The following PLCB3 variants were observed in gnomAD, a reference collection of about 807,000 sequenced individuals.
The protein encoded by PLCB3 is phospholipase C beta 3.
In PLCB3, 54 loss-of-function variants were observed where a neutral mutation model predicts 152.1. The observed-to-expected ratio is 0.36, with a 90% CI of 0.29 to 0.45. PLCB3 has a LOEUF of 0.45. PLCB3 is among the 20% of genes least tolerant of loss of function. PLCB3 has a pLI of 1.00. For synonymous variants in PLCB3, 717 were observed against 698.7 expected (o/e 1.03, Z -0.41); for missense variants, 1,248 against 1,687.5 (o/e 0.74, Z 4.56).
chr11:64,258,315 C>T lies in PLCB3; in HGVS notation c.1013-158C>T, dbSNP rs566324273. On this transcript the variant is annotated intron_variant, in intron 10 of 30. Transcript: ENST00000279230. This position sits in a 1 kb window ranked among gnomAD's most constrained non-coding sequence, Gnocchi z 7.2. ...GCTATAGTGAGTCTCAGGGATGACT[C>T]CCCCCAGCTCACGCTGGTGGGATGG... Among the ~76,000 whole-genome samples, 2 of 152,178 alleles carry T rather than the reference C, an allele frequency of 1.3e-5. No homozygotes were observed. The highest frequency in any genetic ancestry group is 4.1e-4 in the South Asian group (2 of 4,826).
At position 64,265,662 on chromosome 11, in the gene PLCB3, G is replaced by A. The variant is rs556400364; in HGVS notation, c.3035+160G>A. ...GGCTTTCCACACCAGGCGTCCCTGTGTCCCCCAGGGAGTGACATCTCTTTT... is the reference window on the plus strand; with the variant it reads ...GGCTTTCCACACCAGGCGTCCCTGTATCCCCCAGGGAGTGACATCTCTTTT... On this transcript the variant is annotated intron_variant, in intron 25 of 30. Transcript: ENST00000279230. Among the ~76,000 whole-genome samples the A allele has an allele frequency of 1.8e-4, 28 of 152,336 alleles. 1 individual carries two copies. In the South Asian group the frequency reaches 5.6e-3, roughly 30 times the overall value.
At chr11:64,265,126 G>T in intron 23 of PLCB3, 22 bp downstream of exon 23, 1 of 1,554,216 alleles carries the variant, frequency 6.4e-7, no homozygotes, top group Non-Finnish European at 8.7e-7. Flanking sequence ...CCTGGGTCGG[G>T]GGTGGGCTGC....
Position 64,255,326 on chromosome 11 carries a change from C to T in PLCB3, c.467+13C>T, listed in dbSNP as rs1389135330. The T allele has an allele frequency of 1.9e-6, 3 of 1,613,720 alleles. No individual in the cohort carries two copies. Among genetic ancestry groups the T allele is most frequent in the Non-Finnish European group, 2.5e-6 (3 of 1,179,742 alleles). The stretch of plus-strand genomic sequence containing the variant: ...TCCTGCGCAAAGCGTGAGCCCCAGG[C>T]CACCCGAGGGGGAGCCGGGGGGTTC... On this transcript the variant is annotated intron_variant, in intron 5 of 30. Coordinates refer to ENST00000279230, the MANE Select transcript of PLCB3 (RefSeq NM_000932.5). This position sits in a 1 kb window ranked among gnomAD's most constrained non-coding sequence, Gnocchi z 6.8.
rs1181902881 is a variant in PLCB3, at chr11:64,258,938, C to T, written c.1307C>T (p.Ala436Val). Reference sequence around the variant, plus strand: ...TACTGCCGCTCCATCTTTGGAGACGCGCTACTCATCGAGCCTCTGGACAAG... The same window carrying T: ...TACTGCCGCTCCATCTTTGGAGACGTGCTACTCATCGAGCCTCTGGACAAG... Reference protein sequence around the residue: ...AEYCRSIFGDALLIEPLDKYP... With the variant: ...AEYCRSIFGDVLLIEPLDKYP... Residue 436 changes from alanine to valine, a missense_variant, in exon 12 of 31, where the codon GCG (alanine) becomes GTG (valine). Physicochemically the swap from Ala to Val is moderately conservative, Grantham distance 64. Transcript: ENST00000279230. The surrounding 1 kb of genome is among the most constrained non-coding windows in gnomAD (Gnocchi z 7.2). 30 of 1,613,780 alleles carry T rather than the reference C, an allele frequency of 1.9e-5. No homozygotes were observed. Among genetic ancestry groups the T allele is most frequent in the Non-Finnish European group, 2.3e-5 (27 of 1,180,004 alleles).
rs753982801 is a variant in PLCB3 at position 64,254,512 on chromosome 11, C to T, written c.177+20C>T. 6.2e-7 allele frequency: 1 copy of T among 1,608,936 alleles called. No individual in the cohort carries two copies. Among genetic ancestry groups the T allele is most frequent in the South Asian group, 1.1e-5 (1 of 91,014 alleles). On this transcript the variant is annotated intron_variant, in intron 2 of 30. Coordinates refer to ENST00000279230, the MANE Select transcript of PLCB3 (RefSeq NM_000932.5). ...AACATGGTGAGGGTGGGCGCTGGTGCAGCTCGCTCAGGCCAAGGACCCCTG... is the reference window on the plus strand; with the variant it reads ...AACATGGTGAGGGTGGGCGCTGGTGTAGCTCGCTCAGGCCAAGGACCCCTG...
chr11:64,263,652 C>G (rs2031967769), intron 20 of PLCB3, 39 bp from the exon 21 acceptor site: 8 of 1,602,264 alleles, frequency 5.0e-6, no homozygotes, highest in African/African-American at 1.3e-5. Context: ...GGGCCCCCAC[C>G]TGGCCCAGCA....
Position 64,264,132 on chromosome 11 carries a change from G to A in PLCB3, c.2652+20G>A. 6.7e-7 allele frequency: 1 copy of A among 1,490,514 alleles called. No individual in the cohort carries two copies. Among genetic ancestry groups the A allele is most frequent in the Non-Finnish European group, 9.0e-7 (1 of 1,111,576 alleles). The allele number at this position is 1,490,514 out of a possible 1,614,324, so 92.3% of individuals were successfully genotyped here. A position where few individuals can be genotyped will look rare whatever the true frequency, so the allele number is the denominator to read the frequency against. ...AGTGAGGTGAGCCGGGGCAGGGCAGGGCTCAGGCTCACTGTGACCCAGGGG... is the reference window on the plus strand; with the variant it reads ...AGTGAGGTGAGCCGGGGCAGGGCAGAGCTCAGGCTCACTGTGACCCAGGGG... On this transcript the variant is annotated intron_variant, in intron 22 of 30. Transcript: ENST00000279230.
At chr11:64,252,737 G>T (rs925684497) in intron 1 of PLCB3, among the ~76,000 whole-genome samples, 1 of 152,294 alleles carries the variant, frequency 6.6e-6, no homozygotes, top group South Asian at 2.1e-4. Flanking sequence ...CTGGCCTGAA[G>T]GGAAAAGTTT....
rs1381331657 is a variant in PLCB3, at chr11:64,254,745, C to G, written c.178-3C>G. 6.2e-7 allele frequency: 1 copy of G among 1,612,634 alleles called. No homozygotes were observed. Among genetic ancestry groups the G allele is most frequent in the Non-Finnish European group, 8.5e-7 (1 of 1,179,802 alleles). ...ACTCAGCCTGGCATCTGGTTCCCCC[C>G]AGGAGGTGGACACACTGGACATCAG... On this transcript the variant is annotated splice_region_variant and splice_polypyrimidine_tract_variant and intron_variant, in intron 2 of 30. Transcript: ENST00000279230.
At position 64,259,232 on chromosome 11, in the gene PLCB3, T is replaced by G; in HGVS notation, c.1513T>G (p.Ser505Ala). ...GAGCTCCGCGGCCACCGAGCCCTCCTCCCCGCAGCTGGGTAGGCCCCAGCC... is the reference window on the plus strand; with the variant it reads ...GAGCTCCGCGGCCACCGAGCCCTCCGCCCCGCAGCTGGGTAGGCCCCAGCC... ...SESSAATEPS[S>A]PQLGSPSSDS... is the part of the protein sequence containing the mutation. The change falls in exon 13 of 31, where the codon TCC becomes GCC. Residue 505 changes from serine to alanine, a missense_variant. Physicochemically the swap from Ser to Ala is moderately conservative, Grantham distance 99. Around this residue, in one of 6 missense-constraint regions of PLCB3, gnomAD observed 105 missense variants for 100.9 expected, o/e 1.04. Coordinates refer to ENST00000279230, the MANE Select transcript of PLCB3 (RefSeq NM_000932.5). 1 of 1,539,216 alleles carries G rather than the reference T, an allele frequency of 6.5e-7. No individual in the cohort carries two copies. The highest frequency in any genetic ancestry group is 8.7e-7 in the Non-Finnish European group (1 of 1,143,490).
chr11:64,255,536 A>C lies in PLCB3; in HGVS notation c.522-5A>C, dbSNP rs757664606. Reference sequence around the variant, plus strand: ...CTGACCCTGAACCCCTCCTGCCCGCATCAGCATCCTGAAGATGTTCTCAGC... The same window carrying C: ...CTGACCCTGAACCCCTCCTGCCCGCCTCAGCATCCTGAAGATGTTCTCAGC... On this transcript the variant is annotated splice_polypyrimidine_tract_variant and splice_region_variant and intron_variant, in intron 6 of 30. Coordinates refer to ENST00000279230, the MANE Select transcript of PLCB3 (RefSeq NM_000932.5). The surrounding 1 kb of genome is among the most constrained non-coding windows in gnomAD (Gnocchi z 6.8). 1.9e-5 allele frequency: 31 copies of C among 1,613,814 alleles called. No individual in the cohort carries two copies. Among genetic ancestry groups the C allele is most frequent in the Admixed American group, 3.3e-5 (2 of 59,990 alleles).
intron 16 of PLCB3, 25 bp from the exon 17 acceptor site, chr11:64,261,927 T>A (rs1298381911): frequency 1.9e-6 from 3 of 1,613,580 alleles, no homozygotes; most frequent in Non-Finnish European, 2.5e-6. Context: ...CTGGCACCTG[T>A]GTGGCCCCTG....
Position 64,260,081 on chromosome 11 carries a change from G to T in PLCB3, c.1578G>T (p.Gly526=). ...CPGLSNGEEV[G]LEKPSLEPQK... ...GCCTGAGCAATGGGGAGGAGGTAGG[G>T]CTTGAGAAGCCCAGCCTGGAGCCTC... The change falls in exon 14 of 31, where the codon GGG becomes GGT. Residue 526 remains glycine, a synonymous_variant. Transcript: ENST00000279230. 6.2e-7 allele frequency: 1 copy of T among 1,612,248 alleles called. No individual in the cohort carries two copies. The highest frequency in any genetic ancestry group is 1.7e-4 in the Middle Eastern group (1 of 5,998).
intron 3 of PLCB3, 40 bp downstream of exon 3, chr11:64,254,856 G>A: frequency 4.3e-6 from 7 of 1,613,704 alleles, no homozygotes; most frequent in African/African-American, 1.3e-5. Flanking sequence ...CAGCGAGGCT[G>A]TGCGGGAGCC....
chr11:64,254,984 C>A lies in PLCB3; in HGVS notation c.333C>A (p.Asp111Glu). 6.3e-7 allele frequency: 1 copy of A among 1,588,336 alleles called. No homozygotes were observed. Among genetic ancestry groups the A allele is most frequent in the South Asian group, 1.2e-5 (1 of 86,898 alleles). The change falls in exon 4 of 31, where the codon GAC (aspartate) becomes GAA (glutamate). Residue 111 changes from aspartate (D) to glutamate (E), a missense_variant. Physicochemically the swap from Asp to Glu is conservative, Grantham distance 45. Around this residue, in one of 6 missense-constraint regions of PLCB3, gnomAD observed 299 missense variants for 434.7 expected, o/e 0.69. Transcript: ENST00000279230. The stretch of plus-strand genomic sequence containing the variant: ...TGATGACGGTGGTGTCTGGGCCAGA[C>A]CCAGTGAACACAGTGTTCTTGAACT... ...EKLMTVVSGPDPVNTVFLNFM... is the reference protein window; with the variant it reads ...EKLMTVVSGPEPVNTVFLNFM...
rs144191345 is a variant in PLCB3 at position 64,255,313 on chromosome 11, C to T, written c.467C>T (p.Ala156Val). Residue 156 changes from alanine (A) to valine (V), a missense_variant and splice_region_variant, in exon 5 of 31, where the codon GCA becomes GTA. Physicochemically the swap from Ala to Val is moderately conservative, Grantham distance 64. Transcript: ENST00000279230. This position sits in a 1 kb window ranked among gnomAD's most constrained non-coding sequence, Gnocchi z 6.8. ...NASRNTFLRK[A>V]YTKLKLQVNQ... The stretch of plus-strand genomic sequence containing the variant: ...TCCCGGAACACCTTCCTGCGCAAAG[C>T]GTGAGCCCCAGGCCACCCGAGGGGG... 3.5e-5 allele frequency: 57 copies of T among 1,613,910 alleles called. No individual in the cohort carries two copies. The highest frequency in any genetic ancestry group is 4.6e-5 in the Non-Finnish European group (54 of 1,179,930).
At position 64,256,603 on chromosome 11, in the gene PLCB3, C is replaced by A; in HGVS notation, c.866-15C>A. The A allele has an allele frequency of 6.2e-7, 1 of 1,613,790 alleles. No individual in the cohort carries two copies. The highest frequency in any genetic ancestry group is 8.5e-7 in the Non-Finnish European group (1 of 1,179,808). Reference sequence around the variant, plus strand: ...TGGGACCCCAGCTGACCCTGCTGATCCTCTCCCACCCCAGACCAGATGTCC... The same window carrying A: ...TGGGACCCCAGCTGACCCTGCTGATACTCTCCCACCCCAGACCAGATGTCC... On this transcript the variant is annotated splice_polypyrimidine_tract_variant and intron_variant, in intron 9 of 30. Coordinates refer to ENST00000279230, the MANE Select transcript of PLCB3 (RefSeq NM_000932.5).
intron 19 of PLCB3, 94 bp from the exon 20 acceptor site, chr11:64,263,404 C>A: frequency 1.3e-6 from 1 of 752,866 alleles, no homozygotes; most frequent in Non-Finnish European, 2.2e-6. Context: ...TGAAGGTCTG[C>A]TTTGTTAAGC....
At chr11:64,252,836 G>A (rs1371356281) in intron 1 of PLCB3, among the ~76,000 whole-genome samples, 2 of 152,172 alleles carry the variant, frequency 1.3e-5, no homozygotes, top group Non-Finnish European at 1.5e-5. Flanking sequence ...GCTGACGGAG[G>A]CTTGGGGCAG....
Sources: allele counts gnomAD v4.1 joint callset (sites outside exome capture counted in the v4.1 genomes callset), GRCh38; gene constraint gnomAD v4.1.1; regional missense constraint gnomAD v4.1.1; non-coding constraint Gnocchi (gnomAD v3.1); transcripts MANE v1.5; gene names NCBI Gene and HGNC (gene_info 2026-07-23, HGNC 2026-07-21).